The following NRN1L variants were observed in gnomAD, a reference collection of about 807,000 sequenced individuals.
NRN1L encodes neuritin-like protein.
In NRN1L, 12 loss-of-function variants were observed where a neutral mutation model predicts 8.8. The ratio of observed to expected loss-of-function variants is 1.36; its 90% confidence interval spans 0.87 to 2.20. NRN1L has a LOEUF of 2.20. NRN1L is among the 30% of genes most tolerant of loss of function. The pLI, the probability that NRN1L is intolerant of heterozygous loss-of-function variation, is 0.00. For missense variants in NRN1L, 266 were observed against 232.4 expected, an observed-to-expected ratio of 1.14 and a Z score of -0.94; for synonymous variants, 114 against 99.2, an observed-to-expected ratio of 1.15 and a Z score of -0.88.
At chr16:67,885,485 T>C (rs2058091755) in intron 1 of NRN1L, 1 of 514,604 alleles carries the variant, frequency 1.9e-6, no homozygotes, top group Non-Finnish European at 3.4e-6. Flanking sequence ...AAGGAAGAGC[T>C]GACCTGGGGT....
downstream of NRN1L, among the ~76,000 whole-genome samples, chr16:67,886,917 G>T (rs933371495): frequency 2.6e-5 from 4 of 152,216 alleles, no homozygotes; most frequent in Non-Finnish European, 4.4e-5. Context: ...TCAAGCCCCT[G>T]ATGTGACCTG....
At chr16:67,885,693 TCCCC>T in intron 1 of NRN1L, 25 bp from the exon 2 acceptor site, 2 of 1,257,206 alleles carry the variant, frequency 1.6e-6, no homozygotes, top group Non-Finnish European at 2.2e-6. Context: ...TACCATTCCT[TCCCC>T]ACCCCACCCC....
Position 67,885,811 on chromosome 16 carries a change from G to T in NRN1L, c.169G>T (p.Gly57Trp). The T allele has an allele frequency of 6.3e-7, 1 of 1,587,290 alleles. No homozygotes were observed. Among genetic ancestry groups the T allele is most frequent in the South Asian group, 1.2e-5 (1 of 86,298 alleles). Residue 57 changes from glycine (G) to tryptophan (W), a missense_variant, in exon 2 of 3, where the codon GGG (glycine) becomes TGG (tryptophan). Transcript: ENST00000339176. ...CTTCGCCGAGTGTCTCATCCGCTTG[G>T]GGGACAGCATGGGCCGCGGAGGCGA... ...QGFAECLIRL[G>W]DSMGRGGELE...
Position 67,886,047 on chromosome 16 carries a change from G to A in NRN1L, c.286G>A (p.Glu96Lys), listed in dbSNP as rs771913331. 19 of 1,613,830 alleles carry A rather than the reference G, an allele frequency of 1.2e-5. No individual in the cohort carries two copies. Among genetic ancestry groups the A allele is most frequent in the Admixed American group, 1.2e-4 (7 of 59,984 alleles). Residue 96 changes from glutamate to lysine, a missense_variant, in exon 3 of 3, where the codon GAA (glutamate) becomes AAA (lysine). Transcript: ENST00000339176. Reference sequence around the variant, plus strand: ...TCCGGAGGAGGCAGCTGCAGTGTGGGAATCACTACAGCAAGAAGCTCGCCA... The same window carrying A: ...TCCGGAGGAGGCAGCTGCAGTGTGGAAATCACTACAGCAAGAAGCTCGCCA... ...GCPEEAAAVW[E>K]SLQQEARQAP... is the part of the protein sequence containing the mutation.
Position 67,885,733 on chromosome 16 carries a change from C to A in NRN1L, c.91C>A (p.Pro31Thr), listed in dbSNP as rs2151307386. 1.7e-6 allele frequency: 2 copies of A among 1,171,274 alleles called. No individual in the cohort carries two copies. The highest frequency in any genetic ancestry group is 1.2e-5 in the South Asian group (1 of 82,610). The allele number at this position is 1,171,274 out of a possible 1,614,324, so 72.6% of individuals were successfully genotyped here. A position where few individuals can be genotyped will look rare whatever the true frequency, so the allele number is the denominator to read the frequency against. ...LLLLPLVLLP[P>T]LAAAAAGPNR... ...CGCCCCACTTCTAGTCCTTTTACCT[C>A]CCCTGGCAGCAGCTGCAGCGGGCCC... Residue 31 changes from proline to threonine, a missense_variant, in exon 2 of 3, where the codon CCC becomes ACC. By Grantham distance (38) the Pro-to-Thr change is conservative (BLOSUM62 -1). Transcript: ENST00000339176.
chr16:67,884,918 C>T lies in NRN1L; in HGVS notation c.15C>T (p.Cys5=), dbSNP rs1293882393. The change falls in exon 1 of 3, where the codon TGC becomes TGT. Residue 5 remains cysteine (C), a synonymous_variant. Transcript: ENST00000339176. This position sits in a 1 kb window ranked among gnomAD's most constrained non-coding sequence, Gnocchi z 4.1. ...CTCAGCCAGGGATGATGCGCTGCTG[C>T]CGCCGCCGCTGCTGCTGCCGGCAAC... MMRC[C]RRRCCCRQPP... The T allele has an allele frequency of 1.2e-6, 2 of 1,605,434 alleles. No homozygotes were observed. Among genetic ancestry groups the T allele is most frequent in the Non-Finnish European group, 1.7e-6 (2 of 1,179,542 alleles).
chr16:67,885,802 A>G lies in NRN1L; in HGVS notation c.160A>G (p.Ile54Val). ...ATACCAGGGCTTCGCCGAGTGTCTCATCCGCTTGGGGGACAGCATGGGCCG... is the reference window on the plus strand; with the variant it reads ...ATACCAGGGCTTCGCCGAGTGTCTCGTCCGCTTGGGGGACAGCATGGGCCG... ...TIYQGFAECL[I>V]RLGDSMGRGG... The change falls in exon 2 of 3, where the codon ATC (isoleucine) becomes GTC (valine). Residue 54 changes from isoleucine (I) to valine (V), a missense_variant. Physicochemically the swap from Ile to Val is conservative, Grantham distance 29 (BLOSUM62 3). Transcript: ENST00000339176. The G allele has an allele frequency of 6.3e-7, 1 of 1,589,760 alleles. No individual in the cohort carries two copies. Among genetic ancestry groups the G allele is most frequent in the Non-Finnish European group, 8.5e-7 (1 of 1,170,360 alleles).
rs370977745 is a variant in NRN1L at position 67,886,184 on chromosome 16, A to G, written c.423A>G (p.Ala141=). 5 of 1,604,494 alleles carry G rather than the reference A, an allele frequency of 3.1e-6. No individual in the cohort carries two copies. Among genetic ancestry groups the G allele is most frequent in the Non-Finnish European group, 3.4e-6 (4 of 1,179,400 alleles). Residue 141 remains alanine, a synonymous_variant, in exon 3 of 3, where the codon GCA becomes GCG. Transcript: ENST00000339176. The part of the protein sequence containing the change: ...NQETLRATAP[A]LPMAPAPPLL... Reference sequence around the variant, plus strand: ...AGACGCTGCGGGCTACAGCGCCTGCACTCCCCATGGCCCCTGCGCCCCCAC... The same window carrying G: ...AGACGCTGCGGGCTACAGCGCCTGCGCTCCCCATGGCCCCTGCGCCCCCAC...
intron 1 of NRN1L, 126 bp from the exon 2 acceptor site, chr16:67,885,596 A>G: frequency 2.1e-5 from 15 of 700,472 alleles, no homozygotes; most frequent in Middle Eastern, 4.2e-4. Context: ...TCCCTGGGGC[A>G]CCCTTTTTCC....
chr16:67,885,923 G>T, intron 2 of NRN1L, 51 bp from the exon 3 acceptor site: 1 of 1,592,284 alleles, frequency 6.3e-7, no homozygotes, highest in Non-Finnish European at 8.6e-7. Context: ...TATTTCCCAA[G>T]CTAAAGTCTC....
chr16:67,885,123 G>A, intron 1 of NRN1L, 141 bp downstream of exon 1: 1 of 687,328 alleles, frequency 1.5e-6, no homozygotes, highest in Non-Finnish European at 2.5e-6. Flanking sequence ...GGTGACTTCA[G>A]GACAGAAAGT....
chr16:67,886,500 TACAA>T (rs2058097169), downstream of NRN1L: 4 of 509,070 alleles, frequency 7.9e-6, no homozygotes, highest in East Asian at 9.9e-5. Context: ...TCTTCCTCCT[TACAA>T]ACACTCATTT....
At position 67,886,347 on chromosome 16, in the gene NRN1L, A is replaced by G; in HGVS notation, c.*88A>G. On this transcript the variant is annotated 3_prime_UTR_variant, in exon 3 of 3. Transcript: ENST00000339176. Reference sequence around the variant, plus strand: ...TCTGCAGAGCGCAGCAGGGCTTTTCATTAAAGGTATTTATATTTGTAGTAA... The same window carrying G: ...TCTGCAGAGCGCAGCAGGGCTTTTCGTTAAAGGTATTTATATTTGTAGTAA... The G allele has an allele frequency of 1.7e-6, 2 of 1,164,524 alleles. No homozygotes were observed. Among genetic ancestry groups the G allele is most frequent in the Non-Finnish European group, 2.4e-6 (2 of 850,406 alleles). 72.1% of individuals were successfully genotyped at this position (1,164,524 alleles called of 1,614,324 possible).
Position 67,885,697 on chromosome 16 carries a change from CACCCCA to C in NRN1L, c.80-24_80-19del. On this transcript the variant is annotated intron_variant, in intron 1 of 2. Coordinates refer to ENST00000339176, the MANE Select transcript of NRN1L (RefSeq NM_198443.2). The stretch of plus-strand genomic sequence containing the variant: ...CTCATCCTATCTACCATTCCTTCCC[CACCCCA>C]CCCCCGCCCCACTTCTAGTCCTTTT... 2.5e-6 allele frequency: 3 copies of C among 1,211,354 alleles called. No homozygotes were observed. Among genetic ancestry groups the C allele is most frequent in the Non-Finnish European group, 3.5e-6 (3 of 860,802 alleles). The allele number at this position is 1,211,354 out of a possible 1,614,324, so 75.0% of individuals were successfully genotyped here. A position where few individuals can be genotyped will look rare whatever the true frequency, so the allele number is the denominator to read the frequency against.
intron 1 of NRN1L, 74 bp from the exon 2 acceptor site, chr16:67,885,648 C>T (rs1005764997): frequency 7.9e-7 from 1 of 1,258,118 alleles, no homozygotes; most frequent in African/African-American, 1.5e-5. Flanking sequence ...AAACAAGCCC[C>T]TGGGGGCTGG....
chr16:67,884,910 C>CGCTGCT lies in NRN1L; in HGVS notation c.10_15dup (p.Cys4_Cys5dup). ...ACTAGGCTCTCAGCCAGGGATGATG[C>CGCTGCT]GCTGCTGCCGCCGCCGCTGCTGCTG... On this transcript the variant is annotated inframe_insertion, in exon 1 of 3. Coordinates refer to ENST00000339176, the MANE Select transcript of NRN1L (RefSeq NM_198443.2). The surrounding 1 kb of genome is among the most constrained non-coding windows in gnomAD (Gnocchi z 4.1). 1 of 1,604,868 alleles carries CGCTGCT rather than the reference C, an allele frequency of 6.2e-7. No homozygotes were observed. Among genetic ancestry groups the CGCTGCT allele is most frequent in the South Asian group, 1.1e-5 (1 of 91,078 alleles).
downstream of NRN1L, among the ~76,000 whole-genome samples, chr16:67,887,375 C>A (rs1049788595): frequency 2.6e-5 from 4 of 151,798 alleles, no homozygotes; most frequent in African/African-American, 9.7e-5. Flanking sequence ...CGGGTTCAAG[C>A]AATTCTCCTG....
downstream of NRN1L, among the ~76,000 whole-genome samples, chr16:67,886,819 C>G (rs970434486): frequency 1.3e-5 from 2 of 152,216 alleles, no homozygotes; most frequent in African/African-American, 4.8e-5. Flanking sequence ...ATAGCACAGA[C>G]TATGTGCTCA....
rs111674319 is a variant in NRN1L, at chr16:67,884,907, A to G, written c.4A>G (p.Met2Val). 5 of 1,604,738 alleles carry G rather than the reference A, an allele frequency of 3.1e-6. No individual in the cohort carries two copies. Among genetic ancestry groups the G allele is most frequent in the Non-Finnish European group, 4.2e-6 (5 of 1,179,600 alleles). ...TGCACTAGGCTCTCAGCCAGGGATG[A>G]TGCGCTGCTGCCGCCGCCGCTGCTG... M[M>V]RCCRRRCCCR... Residue 2 changes from methionine (M) to valine (V), a missense_variant, in exon 1 of 3, where the codon ATG (methionine) becomes GTG (valine). Coordinates refer to ENST00000339176, the MANE Select transcript of NRN1L (RefSeq NM_198443.2). This position sits in a 1 kb window ranked among gnomAD's most constrained non-coding sequence, Gnocchi z 4.1.
Sources: gnomAD v4.1 joint callset for allele counts (sites outside exome capture counted in the v4.1 genomes callset) on GRCh38, gnomAD v4.1.1 for gene constraint, Gnocchi (gnomAD v3.1) non-coding constraint, MANE v1.5 for transcripts, NCBI Gene and HGNC (gene_info 2026-07-23, HGNC 2026-07-21) for gene names.